Variants in HDAC8 observed in about 807,000 individuals in gnomAD.
HDAC8 encodes the protein histone deacetylase-like 1.
HDAC8 carries 1 observed loss-of-function variant against 32.2 expected under a neutral mutation model. That is an observed-to-expected ratio of 0.03 (90% CI 0.01 to 0.15). The LOEUF (loss-of-function observed/expected upper bound fraction) is 0.15, where lower values mean the gene tolerates loss of function less well. HDAC8 is among the 10% of genes least tolerant of loss of function. The probability of loss-of-function intolerance (pLI) is 1.00; values close to 1 mark genes in which losing one functional copy is unlikely to be tolerated. For synonymous variants in HDAC8, 108 were observed against 113.9 expected, an observed-to-expected ratio of 0.95 and a Z score of 0.33; for missense variants, 117 against 300.0, an observed-to-expected ratio of 0.39 and a Z score of 4.51.
chrX:72,565,832 C>T (rs2051761084), intron 4 of HDAC8, among the ~76,000 whole-genome samples: 1 of 110,480 alleles, frequency 9.1e-6, no homozygotes, highest in African/African-American at 3.3e-5. Context: ...TCCTAGCAGT[C>T]ATTGTCTTTA....
intron 3 of HDAC8, 70 bp downstream of exon 3, chrX:72,568,684 A>G: frequency 2.7e-6 from 3 of 1,122,509 alleles, no homozygotes; most frequent in South Asian, 3.8e-5. Context: ...GAAAAATATT[A>G]AAAAAATCAT....
intron 4 of HDAC8, among the ~76,000 whole-genome samples, chrX:72,521,711 C>T (rs1556028846): frequency 9.0e-6 from 1 of 111,607 alleles, no homozygotes; most frequent in Non-Finnish European, 1.9e-5. Context: ...TTCTCTCTAT[C>T]TGTCTCTGTC....
At chrX:72,434,600 T>C (rs1166328463) in intron 9 of HDAC8, among the ~76,000 whole-genome samples, 2 of 111,884 alleles carry the variant, frequency 1.8e-5, no homozygotes, top group Admixed American at 9.5e-5. Context: ...TAAAATCACA[T>C]AGTACCTAAT....
chrX:72,447,738 A>C (rs1555985652), intron 9 of HDAC8, among the ~76,000 whole-genome samples: 1 of 112,358 alleles, frequency 8.9e-6, no homozygotes, highest in Non-Finnish European at 1.9e-5. Context: ...ACTTCAGCAA[A>C]GTCTCAGGAT....
intron 9 of HDAC8, among the ~76,000 whole-genome samples, chrX:72,441,037 C>A (rs1452548566): frequency 1.5e-4 from 17 of 113,100 alleles, no homozygotes; most frequent in African/African-American, 5.4e-4. Flanking sequence ...TCGGGAAGCT[C>A]GAACTGGGTG....
intron 9 of HDAC8, among the ~76,000 whole-genome samples, chrX:72,396,298 G>C (rs2045759284): frequency 8.9e-6 from 1 of 111,968 alleles, no homozygotes; most frequent in Non-Finnish European, 1.9e-5. Context: ...GATCATAAGA[G>C]AGGGCATGCT....
intron 9 of HDAC8, among the ~76,000 whole-genome samples, chrX:72,456,533 T>C (rs909978477): frequency 1.8e-5 from 2 of 111,775 alleles, no homozygotes; most frequent in Admixed American, 9.5e-5. Flanking sequence ...GCATGGTGGC[T>C]CACACCTGTA....
chrX:72,386,081 T>C (rs1344409718), intron 9 of HDAC8, among the ~76,000 whole-genome samples: 1 of 112,024 alleles, frequency 8.9e-6, no homozygotes, highest in Non-Finnish European at 1.9e-5. Flanking sequence ...CATAAAGATG[T>C]GGATGGTTAA....
intron 9 of HDAC8, among the ~76,000 whole-genome samples, chrX:72,446,845 A>G: frequency 8.9e-6 from 1 of 111,984 alleles, no homozygotes; most frequent in Non-Finnish European, 1.9e-5. Context: ...TAGAAAAAAA[A>G]TGGATAAATT....
rs200239337 is a variant in HDAC8 at position 72,338,961 on chromosome X, C to CAAT, written c.1112-8888_1112-8886dup. Among the ~76,000 whole-genome samples the CAAT allele has an allele frequency of 6.2e-4, 68 of 109,028 alleles. No individual in the cohort carries two copies. The East Asian group carries it at 9.7e-3, about 16-fold the overall frequency. 94.7% of individuals were successfully genotyped at this position (109,028 alleles called of 115,157 possible). A position where few individuals can be genotyped will look rare whatever the true frequency, so the allele number is the denominator to read the frequency against. On this transcript the variant is annotated intron_variant, in intron 10 of 10. Coordinates refer to ENST00000373573, the MANE Select transcript of HDAC8 (RefSeq NM_018486.3). ...TTTTGGCCTCATCTATCATAAGCAGCAATAATAATAATAATAGACAACTTG... is the reference window on the plus strand; with the variant it reads ...TTTTGGCCTCATCTATCATAAGCAGCAATAATAATAATAATAATAGACAACTTG...
chrX:72,472,070 TTA>T (rs1748304934), intron 7 of HDAC8, among the ~76,000 whole-genome samples: 2 of 105,828 alleles, frequency 1.9e-5, no homozygotes, highest in African/African-American at 7.3e-5. Flanking sequence ...TTTATTTTAT[TTA>T]TTTTTTTTTT....
At chrX:72,562,912 C>T (rs1456688262) in intron 4 of HDAC8, among the ~76,000 whole-genome samples, 2 of 102,931 alleles carry the variant, frequency 1.9e-5, no homozygotes, top group African/African-American at 7.1e-5. Context: ...GACACAGTCT[C>T]ACTCTGTCAC....
At chrX:72,481,422 CA>C (rs1422301497) in intron 7 of HDAC8, among the ~76,000 whole-genome samples, 1 of 111,827 alleles carries the variant, frequency 8.9e-6, no homozygotes, top group Non-Finnish European at 1.9e-5. Flanking sequence ...CTTGTTCTCA[CA>C]TGCAAATTTC....
chrX:72,446,030 A>G (rs1837954040), intron 9 of HDAC8, among the ~76,000 whole-genome samples: 1 of 112,163 alleles, frequency 8.9e-6, no homozygotes, highest in Admixed American at 9.4e-5. Context: ...GAAAGTCAGG[A>G]AACAACAGGT....
At chrX:72,565,145 A>T (rs2051733094) in intron 4 of HDAC8, among the ~76,000 whole-genome samples, 1 of 112,490 alleles carries the variant, frequency 8.9e-6, no homozygotes, top group Non-Finnish European at 1.9e-5. Flanking sequence ...ATCTTGCTTC[A>T]ATTTCTATAT....
intron 9 of HDAC8, among the ~76,000 whole-genome samples, chrX:72,424,586 A>G (rs957727891): frequency 2.4e-4 from 27 of 111,942 alleles, no homozygotes; most frequent in African/African-American, 7.8e-4. Flanking sequence ...TTTAAAAACC[A>G]TTTTAAAGTG....
chrX:72,417,454 G>A (rs782419112), intron 9 of HDAC8, among the ~76,000 whole-genome samples: 2 of 111,355 alleles, frequency 1.8e-5, no homozygotes, highest in Non-Finnish European at 3.8e-5. Context: ...AATCAAAAAC[G>A]CAATCCTATT....
At chrX:72,386,383 G>T (rs1482629454) in intron 9 of HDAC8, among the ~76,000 whole-genome samples, 1 of 111,190 alleles carries the variant, frequency 9.0e-6, no homozygotes, top group Non-Finnish European at 1.9e-5. Flanking sequence ...TGGATGCCTT[G>T]GGGGCATTGG....
intron 7 of HDAC8, among the ~76,000 whole-genome samples, chrX:72,486,545 G>A (rs1472495603): frequency 8.1e-5 from 9 of 111,384 alleles, no homozygotes; most frequent in African/African-American, 1.6e-4. Context: ...ATGTGGTATC[G>A]TGTGCCTGTT....
Sources: allele counts gnomAD v4.1 joint callset (sites outside exome capture counted in the v4.1 genomes callset), GRCh38; gene constraint gnomAD v4.1.1; transcripts MANE v1.5; gene names NCBI Gene and HGNC (gene_info 2026-07-23, HGNC 2026-07-21).